The following NR2C1 variants were observed in gnomAD, a reference collection of about 807,000 sequenced individuals.
NR2C1 encodes the protein TR2 nuclear hormone receptor.
Under a neutral mutation model 74.8 loss-of-function variants are expected in NR2C1, and 33 were observed. That is an observed-to-expected ratio of 0.44 (90% confidence interval 0.33 to 0.59). The LOEUF is 0.59. Among genes scored for constraint, NR2C1 ranks in the 20% least tolerant of loss-of-function variants. The pLI, the probability that NR2C1 is intolerant of heterozygous loss-of-function variation, is 0.02. For synonymous variants in NR2C1, 225 were observed against 240.6 expected, an observed-to-expected ratio of 0.94 and a Z score of 0.60; for missense variants, 568 against 715.6, an observed-to-expected ratio of 0.79 and a Z score of 2.35.
At chr12:95,028,734 G>A (rs1428877176) in intron 11 of NR2C1, among the ~76,000 whole-genome samples, 4 of 151,966 alleles carry the variant, frequency 2.6e-5, no homozygotes, top group African/African-American at 7.2e-5. Context: ...GACTCAAGCA[G>A]TTCTCCTGCC....
Position 95,030,795 on chromosome 12 carries a change from G to A in NR2C1, c.1393+554C>T, listed in dbSNP as rs1344533378. ...GGGGCACTGTTTTGGGTAGTCATAAGCCATTCTATAGTTAAGCATTTATAA... is the reference window on the plus strand; with the variant it reads ...GGGGCACTGTTTTGGGTAGTCATAAACCATTCTATAGTTAAGCATTTATAA... On this transcript the variant is annotated intron_variant, in intron 11 of 13. Transcript: ENST00000333003. 13 of 1,613,102 alleles carry A rather than the reference G, an allele frequency of 8.1e-6. No individual in the cohort carries two copies. The African/African-American group carries it at 1.2e-4, about 15-fold the overall frequency.
chr12:95,058,568 T>A, intron 4 of NR2C1, 79 bp from the exon 5 acceptor site: 1 of 1,099,658 alleles, frequency 9.1e-7, no homozygotes, highest in Non-Finnish European at 1.3e-6. Context: ...TTCTTCCCTT[T>A]AAACAACATA....
intron 7 of NR2C1, 39 bp from the exon 8 acceptor site, chr12:95,051,982 T>A: frequency 7.3e-7 from 1 of 1,377,536 alleles, no homozygotes; most frequent in Middle Eastern, 1.9e-4. Flanking sequence ...TGAATTGGTA[T>A]CACTATTTTT....
chr12:95,038,774 G>A (rs1160227515), intron 10 of NR2C1, among the ~76,000 whole-genome samples: 2 of 152,072 alleles, frequency 1.3e-5, no homozygotes, highest in African/African-American at 2.4e-5. Context: ...TAGACTAATT[G>A]TTCTCCAGAT....
Position 95,059,957 on chromosome 12 carries a change from CTTG to C in NR2C1, c.310_312del (p.Gln104del). The stretch of plus-strand genomic sequence containing the variant: ...CAAAGATCAAAAACCTTATTTGGTC[CTTG>C]GTCTGGAGAATTATCTGTTAGGAGC... On this transcript the variant is annotated inframe_deletion, in exon 4 of 14. Transcript: ENST00000333003. 1 of 1,542,582 alleles carries C rather than the reference CTTG, an allele frequency of 6.5e-7. No individual in the cohort carries two copies. The highest frequency in any genetic ancestry group is 8.8e-7 in the Non-Finnish European group (1 of 1,139,252).
At chr12:95,041,215 T>C (rs773717305) in intron 9 of NR2C1, among the ~76,000 whole-genome samples, 3 of 152,108 alleles carry the variant, frequency 2.0e-5, no homozygotes, top group East Asian at 3.9e-4. Context: ...AGGCCGGGTG[T>C]GGTGGCTCGT....
intron 9 of NR2C1, among the ~76,000 whole-genome samples, chr12:95,045,767 AAGG>A (rs1332750467): frequency 3.9e-5 from 6 of 152,194 alleles, no homozygotes; most frequent in African/African-American, 7.2e-5. Context: ...AAAATCTTCT[AAGG>A]AGATTTTAAG....
chr12:95,048,937 T>A, intron 9 of NR2C1, 131 bp downstream of exon 9: 1 of 865,486 alleles, frequency 1.2e-6, no homozygotes, highest in Admixed American at 2.5e-5. Flanking sequence ...ATGAGTGTTT[T>A]AGCTGCTGTT....
intron 8 of NR2C1, among the ~76,000 whole-genome samples, chr12:95,049,768 A>C (rs961151287): frequency 2.6e-5 from 4 of 152,142 alleles, no homozygotes; most frequent in Admixed American, 1.3e-4. Context: ...ATAGGTCTTA[A>C]ATTTTATTTA....
intron 13 of NR2C1, among the ~76,000 whole-genome samples, chr12:95,024,647 G>A (rs946994813): frequency 2.0e-5 from 3 of 151,998 alleles, no homozygotes; most frequent in East Asian, 3.8e-4. Context: ...ACCCAGATTG[G>A]AGCGTAGGAG....
rs1032928475 is a variant in NR2C1, at chr12:95,022,289, T to G, written c.1752A>C (p.Pro584=). 1 of 1,612,324 alleles carries G rather than the reference T, an allele frequency of 6.2e-7. No individual in the cohort carries two copies. The highest frequency in any genetic ancestry group is 1.1e-5 in the South Asian group (1 of 90,552). The change falls in exon 14 of 14, where the codon CCA becomes CCC. Residue 584 remains proline, a synonymous_variant. Transcript: ENST00000333003. ...IGNIRIDSVI[P]HILKMEPADY... is the part of the protein sequence containing the mutation. ...CTGCAGGCTCCATTTTCAAAATATG[T>G]GGGATAACACTGTCAATTCGTATAT...
intron 1 of NR2C1, among the ~76,000 whole-genome samples, chr12:95,072,389 G>A (rs1271980645): frequency 1.4e-5 from 2 of 147,802 alleles, no homozygotes; most frequent in Non-Finnish European, 3.0e-5. Context: ...GGAGGCGGAG[G>A]TTGCAGTGAG....
chr12:95,061,385 G>C (rs61938164), intron 3 of NR2C1, among the ~76,000 whole-genome samples: 17,711 of 152,192 alleles, frequency 0.12, 1,606 homozygotes, highest in African/African-American at 0.25. Flanking sequence ...TGTATTTACG[G>C]GGGAGTAATA....
chr12:95,044,506 G>A (rs1180605880), intron 9 of NR2C1, among the ~76,000 whole-genome samples: 1 of 150,852 alleles, frequency 6.6e-6, no homozygotes, highest in Non-Finnish European at 1.5e-5. Context: ...TTGAACTCCT[G>A]ACCTCGTGAT....
chr12:95,031,221 A>G, intron 11 of NR2C1, 128 bp downstream of exon 11: 1 of 758,470 alleles, frequency 1.3e-6, no homozygotes, highest in Non-Finnish European at 1.9e-6. Flanking sequence ...AATTATCTAA[A>G]GTAAGAAGAG....
At chr12:95,040,377 T>C in intron 10 of NR2C1, 99 bp downstream of exon 10, 2 of 1,192,134 alleles carry the variant, frequency 1.7e-6, no homozygotes, top group Non-Finnish European at 2.3e-6. Flanking sequence ...GTTATACTGT[T>C]TTTTCCTTTA....
At position 95,059,976 on chromosome 12, in the gene NR2C1, T is replaced by C; in HGVS notation, c.294A>G (p.Thr98=). The C allele has an allele frequency of 6.6e-7, 1 of 1,513,030 alleles. No homozygotes were observed. The allele number at this position is 1,513,030 out of a possible 1,614,324, so 93.7% of individuals were successfully genotyped here. ...DLSAQHLQLL[T]DNSPDQGPNK... ...TTGGTCCTTGGTCTGGAGAATTATCTGTTAGGAGCTAAAAAAAAAAAAAAA... is the reference window on the plus strand; with the variant it reads ...TTGGTCCTTGGTCTGGAGAATTATCCGTTAGGAGCTAAAAAAAAAAAAAAA... Residue 98 remains threonine (T), a synonymous_variant, in exon 4 of 14, where the codon ACA becomes ACG. Coordinates refer to ENST00000333003, the MANE Select transcript of NR2C1 (RefSeq NM_003297.4).
chr12:95,033,319 C>T (rs1247678224), intron 10 of NR2C1, among the ~76,000 whole-genome samples: 1 of 151,846 alleles, frequency 6.6e-6, no homozygotes, highest in Non-Finnish European at 1.5e-5. Flanking sequence ...AAAAATTCTA[C>T]ATTAGTATAA....
rs966438741 is a variant in NR2C1 at position 95,073,434 on chromosome 12, C to G, written c.-62G>C. ...GTCGGGCGCCGACGCGACAGTCCCGCGGCTGCCACTCGTGGATTGGGGGGC... is the reference window on the plus strand; with the variant it reads ...GTCGGGCGCCGACGCGACAGTCCCGGGGCTGCCACTCGTGGATTGGGGGGC... On this transcript the variant is annotated 5_prime_UTR_variant, in exon 1 of 14. Transcript: ENST00000333003. 1 of 152,308 alleles carries G rather than the reference C, an allele frequency of 6.6e-6. No individual in the cohort carries two copies. The highest frequency in any genetic ancestry group is 1.5e-5 in the Non-Finnish European group (1 of 68,084). The allele number at this position is 152,308 out of a possible 1,614,324, so 9.4% of individuals were successfully genotyped here.
Sources: gnomAD v4.1 joint callset for allele counts (sites outside exome capture counted in the v4.1 genomes callset) on GRCh38, gnomAD v4.1.1 for gene constraint, MANE v1.5 for transcripts, NCBI Gene and HGNC (gene_info 2026-07-23, HGNC 2026-07-21) for gene names.